Variants in SDR42E2 observed in about 807,000 individuals in gnomAD.
The protein encoded by SDR42E2 is putative short-chain dehydrogenase/reductase family 42E member 2.
In SDR42E2, 20 loss-of-function variants were observed where a neutral mutation model predicts 10.5. The observed-to-expected ratio is 1.90, with a 90% confidence interval of 1.34 to 2.77. SDR42E2 has a LOEUF of 2.77. Ranked by LOEUF, SDR42E2 falls within the 30% of genes most tolerant of loss-of-function variation. The probability of loss-of-function intolerance (pLI) is 0.00; values close to 1 mark genes in which losing one functional copy is unlikely to be tolerated. For synonymous variants in SDR42E2, 72 were observed against 39.2 expected, an observed-to-expected ratio of 1.84 and a Z score of -3.12; for missense variants, 162 against 104.2, an observed-to-expected ratio of 1.55 and a Z score of -2.42.
intron 7 of SDR42E2, among the ~76,000 whole-genome samples, chr16:22,177,023 A>G (rs937231005): frequency 6.6e-6 from 1 of 152,228 alleles, no homozygotes; most frequent in Non-Finnish European, 1.5e-5. Context: ...TGAGCTGGCT[A>G]AAAGACAGGG....
chr16:22,180,617 C>T (rs1282861251), intron 8 of SDR42E2, among the ~76,000 whole-genome samples: 4 of 152,074 alleles, frequency 2.6e-5, no homozygotes, highest in Non-Finnish European at 5.9e-5. Flanking sequence ...GCAGGAGGAT[C>T]GCTTGAGCCC....
chr16:22,174,289 T>C (rs1022868454), intron 7 of SDR42E2, among the ~76,000 whole-genome samples: 8 of 151,932 alleles, frequency 5.3e-5, no homozygotes, highest in Non-Finnish European at 1.5e-5. Context: ...GCCGAGATTG[T>C]GCCACTACAC....
intron 7 of SDR42E2, among the ~76,000 whole-genome samples, chr16:22,174,075 G>A (rs1184536951): frequency 6.6e-6 from 1 of 151,526 alleles, no homozygotes; most frequent in East Asian, 1.9e-4. Flanking sequence ...GCTCACACTT[G>A]TAATCCCAGC....
At chr16:22,186,205 G>A (rs1030028502) in intron 11 of SDR42E2, among the ~76,000 whole-genome samples, 2 of 151,554 alleles carry the variant, frequency 1.3e-5, no homozygotes, top group African/African-American at 2.4e-5. Flanking sequence ...AACTTCAGTC[G>A]TTCAATTTTT....
rs1459179505 is a variant in SDR42E2 at position 22,169,431 on chromosome 16, G to A, written c.337-14G>A. The A allele has an allele frequency of 5.7e-6, 4 of 703,452 alleles. No homozygotes were observed. Among genetic ancestry groups the A allele is most frequent in the East Asian group, 2.7e-5 (1 of 37,284 alleles). 43.6% of individuals were successfully genotyped at this position (703,452 alleles called of 1,614,324 possible). A position where few individuals can be genotyped will look rare whatever the true frequency, so the allele number is the denominator to read the frequency against. ...GGGTAGCACCATGACTTTCTCACCT[G>A]TCTTGTCTTTTAGCTGCAGAAAGAG... On this transcript the variant is annotated splice_polypyrimidine_tract_variant and intron_variant, in intron 4 of 12. Coordinates refer to ENST00000602312, the MANE Select transcript of SDR42E2 (RefSeq NM_001394319.2).
intron 4 of SDR42E2, among the ~76,000 whole-genome samples, chr16:22,168,032 C>G (rs909568767): frequency 3.9e-5 from 6 of 152,010 alleles, no homozygotes; most frequent in African/African-American, 1.5e-4. Flanking sequence ...TCACTATACA[C>G]CCATTTTACT....
chr16:22,164,133 T>G (rs1374881230), intron 1 of SDR42E2, among the ~76,000 whole-genome samples: 1 of 151,808 alleles, frequency 6.6e-6, no homozygotes, highest in East Asian at 1.9e-4. Flanking sequence ...GAGTCTAGAC[T>G]GAGGGCTGGG....
intron 3 of SDR42E2, among the ~76,000 whole-genome samples, 180 bp downstream of exon 3, chr16:22,166,614 G>T (rs1043103028): frequency 6.6e-6 from 1 of 152,130 alleles, no homozygotes; most frequent in African/African-American, 2.4e-5. Context: ...GGGGACAATA[G>T]TAACCAACAC....
intron 8 of SDR42E2, among the ~76,000 whole-genome samples, chr16:22,179,252 T>C (rs771107601): frequency 6.6e-6 from 1 of 152,164 alleles, no homozygotes; most frequent in Non-Finnish European, 1.5e-5. Context: ...ACCTCCCAAG[T>C]TGCTGGGATG....
intron 4 of SDR42E2, among the ~76,000 whole-genome samples, chr16:22,168,223 CT>C (rs543645521): frequency 6.6e-6 from 1 of 151,870 alleles, no homozygotes; most frequent in African/African-American, 2.4e-5. Flanking sequence ...AGTGAGACCC[CT>C]ATCTCTATTT....
chr16:22,189,177 A>AC (rs1294085392), intron 12 of SDR42E2, among the ~76,000 whole-genome samples: 1 of 151,314 alleles, frequency 6.6e-6, no homozygotes, highest in Non-Finnish European at 1.5e-5. Context: ...CTCTCTCCTC[A>AC]CCCCCCATTA....
chr16:22,178,169 G>T lies in SDR42E2; in HGVS notation c.629G>T (p.Gly210Val). Residue 210 changes from glycine to valine, a missense_variant, in exon 8 of 13, where the codon GGG (glycine) becomes GTG (valine). Gly to Val is a moderately radical substitution (Grantham distance 109). Coordinates refer to ENST00000602312, the MANE Select transcript of SDR42E2 (RefSeq NM_001394319.2). The part of the protein sequence containing the change: ...TLRTCVLRPP[G>V]IYGPEEQRHL... The stretch of plus-strand genomic sequence containing the variant: ...CGGACGTGTGTGCTCCGGCCTCCAG[G>T]GATCTACGGCCCTGAAGAGCAGAGG... 2 of 702,844 alleles carry T rather than the reference G, an allele frequency of 2.8e-6. No homozygotes were observed. Among genetic ancestry groups the T allele is most frequent in the South Asian group, 1.5e-5 (1 of 67,596 alleles). The allele number at this position is 702,844 out of a possible 1,614,324, so 43.5% of individuals were successfully genotyped here.
chr16:22,188,341 T>G (rs182116020), intron 12 of SDR42E2, among the ~76,000 whole-genome samples: 1 of 152,144 alleles, frequency 6.6e-6, no homozygotes, highest in Admixed American at 6.5e-5. Context: ...TAGTCACCTA[T>G]GGCTTCTCCT....
chr16:22,172,227 G>A (rs1464756809), intron 6 of SDR42E2, 29 bp from the exon 7 acceptor site: 1 of 702,990 alleles, frequency 1.4e-6, no homozygotes, highest in Admixed American at 2.0e-5. Context: ...ACCCTCTCTG[G>A]TGGTTCTGTT....
Position 22,166,873 on chromosome 16 carries a change from C to T in SDR42E2, c.241-31C>T, listed in dbSNP as rs1255662890. The T allele has an allele frequency of 1.1e-5, 7 of 622,768 alleles. No homozygotes were observed. The African/African-American group carries it at 1.3e-4, about 11-fold the overall frequency. 38.6% of individuals were successfully genotyped at this position (622,768 alleles called of 1,614,324 possible). ...TATCTCTTGCCTTGGACTTGAACCC[C>T]CTGCCCTCATCTCTTCTTCCTCTGG... is the stretch of plus-strand genomic sequence containing the variant. On this transcript the variant is annotated intron_variant, in intron 3 of 12. Coordinates refer to ENST00000602312, the MANE Select transcript of SDR42E2 (RefSeq NM_001394319.2).
chr16:22,190,076 A>G (rs1217274952), intron 12 of SDR42E2, 63 bp from the exon 13 acceptor site: 2 of 400,508 alleles, frequency 5.0e-6, no homozygotes, highest in Non-Finnish European at 8.8e-6. Flanking sequence ...TCCGTAAACA[A>G]CGAAGTAGAG....
rs142799277 is a variant in SDR42E2, at chr16:22,168,013, C to A, written c.336+1014C>A. Among the ~76,000 whole-genome samples, 130 of 152,160 alleles carry A rather than the reference C, an allele frequency of 8.5e-4. 1 individual carries two copies. In the East Asian group the frequency reaches 0.022, roughly 26 times the overall value. On this transcript the variant is annotated intron_variant, in intron 4 of 12. Coordinates refer to ENST00000602312, the MANE Select transcript of SDR42E2 (RefSeq NM_001394319.2). ...ATTTGGAATCAGGAGTAGGAGGGAACCTTCTTTTTCACTATACACCCATTT... is the reference window on the plus strand; with the variant it reads ...ATTTGGAATCAGGAGTAGGAGGGAAACTTCTTTTTCACTATACACCCATTT...
chr16:22,172,635 T>A (rs1451965212), intron 7 of SDR42E2, among the ~76,000 whole-genome samples: 1 of 152,130 alleles, frequency 6.6e-6, no homozygotes, highest in East Asian at 1.9e-4. Context: ...CAGGAGTTGA[T>A]CCAGTTTTAG....
chr16:22,180,685 G>A (rs1332009977), intron 8 of SDR42E2, among the ~76,000 whole-genome samples: 6 of 152,046 alleles, frequency 3.9e-5, no homozygotes, highest in East Asian at 1.9e-4. Context: ...AACAGAGCCC[G>A]ACCCTGTCTC....
Sources: gnomAD v4.1 joint callset for allele counts (sites outside exome capture counted in the v4.1 genomes callset) on GRCh38, gnomAD v4.1.1 for gene constraint, MANE v1.5 for transcripts, NCBI Gene and HGNC (gene_info 2026-07-23, HGNC 2026-07-21) for gene names.